Variants in SYT7 observed in about 807,000 individuals in gnomAD.
SYT7 encodes synaptotagmin 7, also known as synaptotagmin-7.
In SYT7, 29 loss-of-function variants were observed where a neutral mutation model predicts 75.1. The observed-to-expected ratio is 0.39, with a 90% CI of 0.29 to 0.53. The LOEUF (loss-of-function observed/expected upper bound fraction) is 0.53. Among genes scored for constraint, SYT7 ranks in the 20% least tolerant of loss-of-function variants. The pLI is 0.77. For missense variants in SYT7, 693 were observed against 953.2 expected (o/e 0.73, Z 3.59); for synonymous variants, 376 against 401.7 (o/e 0.94, Z 0.76).
At chr11:61,536,161 A>G (rs1001550013) in intron 7 of SYT7, among the ~76,000 whole-genome samples, 2 of 152,088 alleles carry the variant, frequency 1.3e-5, no homozygotes, top group East Asian at 3.9e-4. Context: ...GTCCACTCGG[A>G]AAGTCAGGCT....
chr11:61,546,802 C>T lies in SYT7; in HGVS notation c.347+375G>A. ...ACCGACCACCGAGCAGCCACGGCAG[C>T]ACACAGCGGGGAGGAAGAAGCGACC... On this transcript the variant is annotated intron_variant, in intron 4 of 12. Coordinates refer to ENST00000539008, the MANE Select transcript of SYT7 (RefSeq NM_001365809.2). The surrounding 1 kb of genome is among the most constrained non-coding windows in gnomAD (Gnocchi z 7.6). 2.7e-6 allele frequency: 1 copy of T among 374,620 alleles called. No individual in the cohort carries two copies. The allele number at this position is 374,620 out of a possible 1,614,324, so 23.2% of individuals were successfully genotyped here.
chr11:61,524,012 A>C lies in SYT7; in HGVS notation c.1642-71T>G. On this transcript the variant is annotated intron_variant, in intron 10 of 12. Coordinates refer to ENST00000539008, the MANE Select transcript of SYT7 (RefSeq NM_001365809.2). The surrounding 1 kb of genome is among the most constrained non-coding windows in gnomAD (Gnocchi z 4.1). ...CTCTCTGATTGGCCTAGCTGCCCCCAGGTCCCCTCTACCCTGACCTTGGTG... is the reference window on the plus strand; with the variant it reads ...CTCTCTGATTGGCCTAGCTGCCCCCCGGTCCCCTCTACCCTGACCTTGGTG... 1 of 1,392,264 alleles carries C rather than the reference A, an allele frequency of 7.2e-7. No homozygotes were observed. Among genetic ancestry groups the C allele is most frequent in the East Asian group, 2.3e-5 (1 of 43,814 alleles). The allele number at this position is 1,392,264 out of a possible 1,614,324, so 86.2% of individuals were successfully genotyped here.
chr11:61,569,254 C>T (rs1299987298), intron 1 of SYT7, among the ~76,000 whole-genome samples: 2 of 152,190 alleles, frequency 1.3e-5, no homozygotes, highest in Admixed American at 6.5e-5. Flanking sequence ...ACCCTTTTCT[C>T]AACCCACAGA....
At chr11:61,557,364 G>A (rs1390756991) in intron 1 of SYT7, among the ~76,000 whole-genome samples, 2 of 152,204 alleles carry the variant, frequency 1.3e-5, no homozygotes, top group African/African-American at 4.8e-5. Flanking sequence ...TATCTGTCTG[G>A]TTCTGGTTCC....
chr11:61,527,595 C>T (rs576752966), intron 9 of SYT7, among the ~76,000 whole-genome samples: 1 of 152,232 alleles, frequency 6.6e-6, no homozygotes, highest in Non-Finnish European at 1.5e-5. Context: ...GCCCAGCTTC[C>T]CTCCTCGGCC....
chr11:61,548,077 G>A (rs1208021519), intron 3 of SYT7, among the ~76,000 whole-genome samples: 1 of 152,238 alleles, frequency 6.6e-6, no homozygotes, highest in Non-Finnish European at 1.5e-5. Flanking sequence ...CTGAGCTGGA[G>A]ACCATCTCTA....
intron 3 of SYT7, among the ~76,000 whole-genome samples, chr11:61,550,427 G>A (rs940515058): frequency 9.2e-5 from 14 of 152,104 alleles, no homozygotes; most frequent in African/African-American, 2.9e-4. Flanking sequence ...GACCAGCAGC[G>A]GGCAGGGGCC....
chr11:61,533,196 G>T, intron 7 of SYT7, 72 bp from the exon 8 acceptor site: 1 of 1,494,310 alleles, frequency 6.7e-7, no homozygotes, highest in Admixed American at 2.1e-5. Context: ...CCTGGGGGGT[G>T]GCAGGACCTT....
chr11:61,547,140 C>T (rs1026075312), intron 4 of SYT7, 37 bp downstream of exon 4: 123 of 1,532,438 alleles, frequency 8.0e-5, no homozygotes, highest in Non-Finnish European at 1.0e-4. Flanking sequence ...TGCGCGGATA[C>T]TCGGTACATA....
At position 61,517,560 on chromosome 11, in the gene SYT7, G is replaced by A; in HGVS notation, c.*1067C>T. 1 of 399,794 alleles carries A rather than the reference G, an allele frequency of 2.5e-6. No individual in the cohort carries two copies. The highest frequency in any genetic ancestry group is 4.4e-6 in the Non-Finnish European group (1 of 226,804). The allele number at this position is 399,794 out of a possible 1,614,324, so 24.8% of individuals were successfully genotyped here. ...GAAAGAAGGGTGGAGGTCTGCACAG[G>A]CAGGGAGAGATGAGGAAGGGCAGGC... On this transcript the variant is annotated 3_prime_UTR_variant, in exon 13 of 13. Transcript: ENST00000539008.
At chr11:61,541,030 C>T (rs1167267163) in intron 6 of SYT7, 57 of 985,546 alleles carry the variant, frequency 5.8e-5, no homozygotes, top group African/African-American at 2.8e-4. Flanking sequence ...GCCACTCGCA[C>T]GGGTATGGGA....
At chr11:61,535,301 C>T (rs899861138) in intron 7 of SYT7, among the ~76,000 whole-genome samples, 27 of 152,122 alleles carry the variant, frequency 1.8e-4, no homozygotes, top group Non-Finnish European at 3.4e-4. Flanking sequence ...AGAGAGGAGG[C>T]GGGGGACACA....
At position 61,542,148 on chromosome 11, in the gene SYT7, A is replaced by C; in HGVS notation, c.941+63T>G. 8 of 1,496,142 alleles carry C rather than the reference A, an allele frequency of 5.3e-6. No individual in the cohort carries two copies. The highest frequency in any genetic ancestry group is 7.1e-6 in the Non-Finnish European group (8 of 1,127,818). The allele number at this position is 1,496,142 out of a possible 1,614,324, so 92.7% of individuals were successfully genotyped here. On this transcript the variant is annotated intron_variant, in intron 6 of 12. Transcript: ENST00000539008. This position sits in a 1 kb window ranked among gnomAD's most constrained non-coding sequence, Gnocchi z 7.8. Reference sequence around the variant, plus strand: ...CACACAACCAGCTGCTCCCAAGGAGATCTGGGGGGCAGGAGGCTGGGTCAG... The same window carrying C: ...CACACAACCAGCTGCTCCCAAGGAGCTCTGGGGGGCAGGAGGCTGGGTCAG...
chr11:61,560,946 G>C (rs2063622255), intron 1 of SYT7, among the ~76,000 whole-genome samples: 1 of 152,120 alleles, frequency 6.6e-6, no homozygotes, highest in African/African-American at 2.4e-5. Context: ...TTCCCTGCTG[G>C]TCCTGAGCCT....
intron 1 of SYT7, among the ~76,000 whole-genome samples, chr11:61,570,358 C>T (rs1213098540): frequency 2.0e-5 from 3 of 152,102 alleles, no homozygotes; most frequent in Non-Finnish European, 2.9e-5. Flanking sequence ...AAGGAACTCA[C>T]GTTTGTGGAG....
At chr11:61,555,039 C>G (rs1268119107) in intron 2 of SYT7, among the ~76,000 whole-genome samples, 2 of 152,196 alleles carry the variant, frequency 1.3e-5, no homozygotes, top group African/African-American at 4.8e-5. Flanking sequence ...AAACCTTTTC[C>G]CAGGGGTATC....
upstream of SYT7, among the ~76,000 whole-genome samples, chr11:61,583,506 G>A (rs1292825772): frequency 6.6e-6 from 1 of 152,202 alleles, no homozygotes; most frequent in Non-Finnish European, 1.5e-5. Context: ...AGAAGGAACT[G>A]ACCCAGGGAG....
intron 1 of SYT7, among the ~76,000 whole-genome samples, chr11:61,571,034 T>C (rs1056385988): frequency 1.3e-5 from 2 of 152,200 alleles, no homozygotes; most frequent in Non-Finnish European, 2.9e-5. Flanking sequence ...AATGAAGCAC[T>C]GAAAGGTTAA....
At chr11:61,541,643 C>G (rs774846048) in intron 6 of SYT7, among the ~76,000 whole-genome samples, 26 of 145,246 alleles carry the variant, frequency 1.8e-4, no homozygotes, top group Non-Finnish European at 3.0e-4. Context: ...AGGGCGGGAG[C>G]TGGAGGACAG....
Sources: gnomAD v4.1 joint callset for allele counts (sites outside exome capture counted in the v4.1 genomes callset) on GRCh38, gnomAD v4.1.1 for gene constraint, Gnocchi (gnomAD v3.1) non-coding constraint, MANE v1.5 for transcripts, NCBI Gene and HGNC (gene_info 2026-07-23, HGNC 2026-07-21) for gene names.